Variants in KCTD16 observed in about 807,000 individuals in gnomAD.
The protein encoded by KCTD16 is potassium channel tetramerization domain containing 16, also known as BTB/POZ domain-containing protein KCTD16.
Under a neutral mutation model 33.2 loss-of-function variants are expected in KCTD16, and 13 were observed. The ratio of observed to expected loss-of-function variants is 0.39; its 90% CI spans 0.25 to 0.62. KCTD16 has a LOEUF of 0.62. Among genes scored for constraint, KCTD16 ranks in the 20% least tolerant of loss-of-function variants. The pLI is 0.50. For missense variants in KCTD16, 441 were observed against 525.1 expected (o/e 0.84, Z 1.57); for synonymous variants, 197 against 195.3 (o/e 1.01, Z -0.07).
At chr5:144,394,022 C>G (rs1420603330) in intron 3 of KCTD16, among the ~76,000 whole-genome samples, 1 of 143,084 alleles carries the variant, frequency 7.0e-6, no homozygotes, top group Non-Finnish European at 1.5e-5. Context: ...TGGTCGGGAA[C>G]CCAAATAAGC....
chr5:144,183,247 T>C (rs1579280), intron 2 of KCTD16, among the ~76,000 whole-genome samples: 25,464 of 152,168 alleles, frequency 0.17, 2,331 homozygotes, highest in Admixed American at 0.26. Context: ...ACTAGTGGAG[T>C]ATTCTGCTTC....
chr5:144,190,911 G>C (rs139188152), intron 2 of KCTD16, among the ~76,000 whole-genome samples: 122 of 152,252 alleles, frequency 8.0e-4, no homozygotes, highest in African/African-American at 2.9e-3. Flanking sequence ...ATGAATGAGT[G>C]AATGGGCACT....
At chr5:144,187,191 G>A (rs2126777487) in intron 2 of KCTD16, among the ~76,000 whole-genome samples, 1 of 151,916 alleles carries the variant, frequency 6.6e-6, no homozygotes, top group South Asian at 2.1e-4. Flanking sequence ...CAGATTATTA[G>A]CTACAGATAT....
At chr5:144,329,905 T>C (rs1752308732) in intron 3 of KCTD16, among the ~76,000 whole-genome samples, 1 of 152,112 alleles carries the variant, frequency 6.6e-6, no homozygotes, top group South Asian at 2.1e-4. Context: ...TCATGAGAGG[T>C]TGAAATTCTC....
At chr5:144,266,180 A>C (rs1008344013) in intron 3 of KCTD16, among the ~76,000 whole-genome samples, 2 of 152,222 alleles carry the variant, frequency 1.3e-5, no homozygotes, top group African/African-American at 4.8e-5. Context: ...AATATATGTA[A>C]GTATGTATGC....
At chr5:144,294,143 A>G (rs1464691799) in intron 3 of KCTD16, among the ~76,000 whole-genome samples, 1 of 150,610 alleles carries the variant, frequency 6.6e-6, no homozygotes, top group Non-Finnish European at 1.5e-5. Flanking sequence ...TGAATGACAG[A>G]GTGAGACTCT....
At chr5:144,310,584 ATT>A (rs34649260) in intron 3 of KCTD16, among the ~76,000 whole-genome samples, 6 of 98,782 alleles carry the variant, frequency 6.1e-5, no homozygotes, top group African/African-American at 1.4e-4. Context: ...AATATTATAT[ATT>A]TTTTTTGATA....
intron 3 of KCTD16, among the ~76,000 whole-genome samples, chr5:144,356,776 A>G (rs1751580709): frequency 6.6e-6 from 1 of 152,092 alleles, no homozygotes; most frequent in Non-Finnish European, 1.5e-5. Context: ...AATGCTGAAA[A>G]CAAACAAGAC....
At chr5:144,280,878 C>T (rs924683261) in intron 3 of KCTD16, among the ~76,000 whole-genome samples, 6 of 145,658 alleles carry the variant, frequency 4.1e-5, no homozygotes, top group Admixed American at 1.4e-4. Context: ...AGTGAAACCC[C>T]GGTCTCTACT....
chr5:144,316,159 C>G (rs1751907278), intron 3 of KCTD16, among the ~76,000 whole-genome samples: 1 of 152,092 alleles, frequency 6.6e-6, no homozygotes, highest in Admixed American at 6.5e-5. Context: ...AGTTTGGGGT[C>G]AAAATCCACA....
rs182087957 is a variant in KCTD16 at position 144,359,859 on chromosome 5, G to A, written c.833-113801G>A. Among the ~76,000 whole-genome samples the A allele has an allele frequency of 1.9e-3, 295 of 152,032 alleles. 3 individuals are homozygous for A. The highest frequency in any genetic ancestry group is 3.4e-3 in the Non-Finnish European group (232 of 67,986). On this transcript the variant is annotated intron_variant, in intron 3 of 3. Coordinates refer to ENST00000512467, the MANE Select transcript of KCTD16 (RefSeq NM_020768.4). ...TAGAAGTCAATGGATGTGCCCCTCC[G>A]AAAACTTGTGCAAAGCCTTGTGTAA... is the stretch of plus-strand genomic sequence containing the variant.
chr5:144,200,991 C>T (rs1232513485), intron 2 of KCTD16, among the ~76,000 whole-genome samples: 1 of 152,190 alleles, frequency 6.6e-6, no homozygotes, highest in Non-Finnish European at 1.5e-5. Flanking sequence ...AGCAATCTTC[C>T]CACATCATCC....
At chr5:144,374,326 T>TG (rs1210887629) in intron 3 of KCTD16, among the ~76,000 whole-genome samples, 4 of 151,896 alleles carry the variant, frequency 2.6e-5, no homozygotes, top group Admixed American at 2.6e-4. Context: ...TGATGTTTGA[T>TG]GCATTCTTCT....
In KCTD16 at chr5:144,431,939, C is replaced by T. The variant is rs114388613; in HGVS notation, c.833-41721C>T. Among the ~76,000 whole-genome samples the T allele has an allele frequency of 3.3e-3, 495 of 152,180 alleles. 3 individuals carry two copies. The highest frequency in any genetic ancestry group is 0.012 in the African/African-American group (482 of 41,534). On this transcript the variant is annotated intron_variant, in intron 3 of 3. Coordinates refer to ENST00000512467, the MANE Select transcript of KCTD16 (RefSeq NM_020768.4). Reference sequence around the variant, plus strand: ...AAACCATGTGTCTTAGGAATCACAACTAAATTTCCTCTATGACATTTTTTC... The same window carrying T: ...AAACCATGTGTCTTAGGAATCACAATTAAATTTCCTCTATGACATTTTTTC...
intron 2 of KCTD16, among the ~76,000 whole-genome samples, chr5:144,193,900 C>T (rs770409251): frequency 1.3e-5 from 2 of 152,106 alleles, no homozygotes; most frequent in Non-Finnish European, 2.9e-5. Flanking sequence ...TGGATTTTCA[C>T]TTGGACTGAG....
chr5:144,325,328 T>A (rs1580873896), intron 3 of KCTD16, among the ~76,000 whole-genome samples: 1 of 152,290 alleles, frequency 6.6e-6, no homozygotes, highest in East Asian at 1.9e-4. Context: ...AGAACCTCCC[T>A]GTGTCTAATA....
At chr5:144,179,786 C>T (rs1661461064) in intron 2 of KCTD16, among the ~76,000 whole-genome samples, 1 of 152,192 alleles carries the variant, frequency 6.6e-6, no homozygotes, top group South Asian at 2.1e-4. Flanking sequence ...GTTATATTTA[C>T]TTTTGTATCC....
intron 3 of KCTD16, among the ~76,000 whole-genome samples, chr5:144,408,247 G>A (rs1752857110): frequency 6.6e-6 from 1 of 152,214 alleles, no homozygotes; most frequent in Non-Finnish European, 1.5e-5. Flanking sequence ...AAAGCCAGGA[G>A]CAGAAGGACT....
At chr5:144,443,408 AT>A (rs201046938) in intron 3 of KCTD16, among the ~76,000 whole-genome samples, 12 of 149,500 alleles carry the variant, frequency 8.0e-5, no homozygotes, top group East Asian at 7.8e-4. Flanking sequence ...CAGATACATT[AT>A]TTTTTTTTTC....
Sources: allele counts gnomAD v4.1 joint callset (sites outside exome capture counted in the v4.1 genomes callset), GRCh38; gene constraint gnomAD v4.1.1; transcripts MANE v1.5; gene names NCBI Gene and HGNC (gene_info 2026-07-23, HGNC 2026-07-21).